The following L2HGDH variants were observed in gnomAD, a reference collection of about 807,000 sequenced individuals.
L2HGDH encodes L-2-hydroxyglutarate dehydrogenase, mitochondrial.
A neutral mutation model predicts 51.5 loss-of-function variants in L2HGDH; 34 were observed. The observed-to-expected ratio is 0.66, with a 90% CI of 0.50 to 0.88. The LOEUF (loss-of-function observed/expected upper bound fraction) is 0.88. L2HGDH is among the 40% of genes least tolerant of loss of function. The pLI, the probability that L2HGDH is intolerant of heterozygous loss-of-function variation, is 0.00. For synonymous variants in L2HGDH, 198 were observed against 197.9 expected (o/e 1.00, Z -0.01); for missense variants, 558 against 571.9 (o/e 0.98, Z 0.25).
At chr14:50,269,389 G>A in intron 6 of L2HGDH, 59 bp from the exon 7 acceptor site, 1 of 1,488,492 alleles carries the variant, frequency 6.7e-7, no homozygotes, top group South Asian at 1.2e-5. Context: ...GGTCAAGAGG[G>A]GAAAAACAGG....
intron 3 of L2HGDH, among the ~76,000 whole-genome samples, chr14:50,301,156 G>A (rs112771654): frequency 0.01 from 1,584 of 152,254 alleles, 22 homozygotes; most frequent in South Asian, 0.034. Flanking sequence ...GGCTAAAATA[G>A]AAAAGACAAA....
At chr14:50,301,490 A>G (rs1489456823) in intron 3 of L2HGDH, among the ~76,000 whole-genome samples, 1 of 152,254 alleles carries the variant, frequency 6.6e-6, no homozygotes, top group African/African-American at 2.4e-5. Context: ...TTCAGCCATA[A>G]AAGACATGAA....
chr14:50,243,005 A>G lies in L2HGDH; in HGVS notation c.*4053T>C. The stretch of plus-strand genomic sequence containing the variant: ...AAACTCCCGTAGGCCAGGGCCTGGC[A>G]GTATACCCCATTCTCACCACCATCC... On this transcript the variant is annotated 3_prime_UTR_variant, in exon 10 of 10. Transcript: ENST00000267436. The G allele has an allele frequency of 1.0e-6, 1 of 985,482 alleles. No individual in the cohort carries two copies. The highest frequency in any genetic ancestry group is 1.2e-6 in the Non-Finnish European group (1 of 829,960). The allele number at this position is 985,482 out of a possible 1,614,324, so 61.0% of individuals were successfully genotyped here. A position where few individuals can be genotyped will look rare whatever the true frequency, so the allele number is the denominator to read the frequency against.
intron 3 of L2HGDH, among the ~76,000 whole-genome samples, chr14:50,301,461 T>A (rs1241365030): frequency 6.6e-6 from 1 of 152,230 alleles, no homozygotes; most frequent in Non-Finnish European, 1.5e-5. Context: ...ATGTGGTATA[T>A]CCATACAATG....
chr14:50,291,680 A>G (rs1306675546), intron 4 of L2HGDH, among the ~76,000 whole-genome samples: 2 of 152,216 alleles, frequency 1.3e-5, no homozygotes, highest in African/African-American at 4.8e-5. Context: ...CTAGAGATAA[A>G]GGGAAAAAAT....
chr14:50,246,768 C>G lies in L2HGDH; in HGVS notation c.*290G>C. 1 of 279,904 alleles carries G rather than the reference C, an allele frequency of 3.6e-6. No homozygotes were observed. The highest frequency in any genetic ancestry group is 7.9e-5 in the East Asian group (1 of 12,732). The allele number at this position is 279,904 out of a possible 1,614,324, so 17.3% of individuals were successfully genotyped here. ...TTATTTTCTTGCTCTGTCACCCAGGCTGGAGTGCAGTGGTGCAATCTCAGC... is the reference window on the plus strand; with the variant it reads ...TTATTTTCTTGCTCTGTCACCCAGGGTGGAGTGCAGTGGTGCAATCTCAGC... On this transcript the variant is annotated 3_prime_UTR_variant, in exon 10 of 10. Coordinates refer to ENST00000267436, the MANE Select transcript of L2HGDH (RefSeq NM_024884.3).
rs190738992 is a variant in L2HGDH at position 50,300,364 on chromosome 14, G to A, written c.408+1653C>T. Among the ~76,000 whole-genome samples the A allele has an allele frequency of 7.4e-4, 112 of 152,178 alleles. 1 individual carries two copies. The highest frequency in any genetic ancestry group is 1.2e-3 in the Non-Finnish European group (83 of 68,008). ...GGCTGGAATTCAGTGGTGTGGTCTC[G>A]CCTCACTGCAACCTCTGCCTCCCAG... On this transcript the variant is annotated intron_variant, in intron 3 of 9. Transcript: ENST00000267436.
chr14:50,306,143 C>T (rs1297625256), intron 1 of L2HGDH, among the ~76,000 whole-genome samples: 12 of 151,756 alleles, frequency 7.9e-5, no homozygotes, highest in African/African-American at 7.3e-5. Flanking sequence ...CTCCAGCTCC[C>T]GGATTCAAGC....
In L2HGDH at chr14:50,283,986, C is replaced by T. The variant is rs759461403; in HGVS notation, c.588G>A (p.Arg196=). 7 of 1,613,998 alleles carry T rather than the reference C, an allele frequency of 4.3e-6. No homozygotes were observed. Among genetic ancestry groups the T allele is most frequent in the South Asian group, 1.1e-5 (1 of 91,084 alleles). Reference sequence around the variant, plus strand: ...CCTGGGCAAATGACAAAGCCACCTGCCGATAGTCCACAATGCCAGTATGTG... The same window carrying T: ...CCTGGGCAAATGACAAAGCCACCTGTCGATAGTCCACAATGCCAGTATGTG... ...DCPHTGIVDY[R]QVALSFAQDF... The change falls in exon 5 of 10, where the codon CGG becomes CGA. Residue 196 remains arginine, a synonymous_variant. Coordinates refer to ENST00000267436, the MANE Select transcript of L2HGDH (RefSeq NM_024884.3).
At chr14:50,289,254 T>C (rs1432687328) in intron 4 of L2HGDH, among the ~76,000 whole-genome samples, 4 of 152,158 alleles carry the variant, frequency 2.6e-5, no homozygotes, top group African/African-American at 9.7e-5. Context: ...TAAAATAGGC[T>C]ATCTCACTCT....
In L2HGDH at chr14:50,302,093, T is replaced by G; in HGVS notation, c.332A>C (p.Lys111Thr). Reference sequence around the variant, plus strand: ...GAGGGCTGCACCTTGTACACATAATTTGGCTTTCAGAGACTCAGGTTTATA... The same window carrying G: ...GAGGGCTGCACCTTGTACACATAATGTGGCTTTCAGAGACTCAGGTTTATA... ...IYYKPESLKA[K>T]LCVQGAALLY... Residue 111 changes from lysine (K) to threonine (T), a missense_variant, in exon 3 of 10, where the codon AAA (lysine) becomes ACA (threonine). Around this residue, in one of 3 missense-constraint regions of L2HGDH, gnomAD observed 194 missense variants for 187.2 expected, o/e 1.04. Coordinates refer to ENST00000267436, the MANE Select transcript of L2HGDH (RefSeq NM_024884.3). The G allele has an allele frequency of 6.2e-7, 1 of 1,614,126 alleles. No homozygotes were observed.
chr14:50,254,731 T>TA (rs1888559377), intron 9 of L2HGDH, among the ~76,000 whole-genome samples: 2 of 152,108 alleles, frequency 1.3e-5, no homozygotes, highest in Non-Finnish European at 2.9e-5. Flanking sequence ...ACAATCCAAA[T>TA]TTTAAAATAA....
chr14:50,255,535 T>G (rs1214412442), intron 9 of L2HGDH, among the ~76,000 whole-genome samples: 2 of 20,990 alleles, frequency 9.5e-5, no homozygotes, highest in Non-Finnish European at 1.9e-4. Context: ...AAACTCCATC[T>G]CCAAAAAAAA....
chr14:50,259,339 T>G (rs904161428), intron 9 of L2HGDH, among the ~76,000 whole-genome samples: 37 of 148,592 alleles, frequency 2.5e-4, no homozygotes, highest in Non-Finnish European at 4.9e-4. Flanking sequence ...ATTTGTTTTC[T>G]TTTCTTTCTG....
intron 4 of L2HGDH, among the ~76,000 whole-genome samples, chr14:50,292,224 C>A (rs968168859): frequency 1.3e-5 from 2 of 152,182 alleles, no homozygotes; most frequent in Admixed American, 1.3e-4. Context: ...CTCCACACTA[C>A]AAAGATGTAA....
chr14:50,280,907 T>G (rs1236762911), intron 5 of L2HGDH, among the ~76,000 whole-genome samples: 1 of 152,050 alleles, frequency 6.6e-6, no homozygotes, highest in Non-Finnish European at 1.5e-5. Flanking sequence ...CTCAAACTCC[T>G]GTGCTCAAGC....
At chr14:50,258,073 TAAAAAAA>T (rs3072729) in intron 9 of L2HGDH, among the ~76,000 whole-genome samples, 1 of 141,680 alleles carries the variant, frequency 7.1e-6, no homozygotes, top group Non-Finnish European at 1.5e-5. Context: ...GTCAAAAAGT[TAAAAAAA>T]AAAAAAAAAG....
At chr14:50,271,835 C>CA (rs1157394732) in intron 6 of L2HGDH, among the ~76,000 whole-genome samples, 1 of 151,978 alleles carries the variant, frequency 6.6e-6, no homozygotes, top group South Asian at 2.1e-4. Context: ...ATCCTACCTG[C>CA]AAAAATTTAT....
rs1262512087 is a variant in L2HGDH at position 50,275,667 on chromosome 14, G to A, written c.738+2853C>T. ...ACTGGAATGGGCTTTAGAAGTAATA[G>A]CACTAGCTGGCTGGCAACTCCTTGC... On this transcript the variant is annotated intron_variant, in intron 6 of 9. Coordinates refer to ENST00000267436, the MANE Select transcript of L2HGDH (RefSeq NM_024884.3). 9.9e-5 allele frequency among the ~76,000 whole-genome samples: 15 copies of A among 152,176 alleles called. 2 individuals are homozygous for A. Among genetic ancestry groups the A allele is most frequent in the Admixed American group, 9.2e-4 (14 of 15,284 alleles).
Sources: gnomAD v4.1 joint callset for allele counts (sites outside exome capture counted in the v4.1 genomes callset) on GRCh38, gnomAD v4.1.1 for gene constraint, gnomAD v4.1.1 regional missense constraint, MANE v1.5 for transcripts, NCBI Gene and HGNC (gene_info 2026-07-23, HGNC 2026-07-21) for gene names.